The following NRXN3 variants were observed in gnomAD, a reference collection of about 807,000 sequenced individuals.
NRXN3 encodes the protein neurexin 3.
A neutral mutation model predicts 137.6 loss-of-function variants in NRXN3; 32 were observed. That is an observed-to-expected ratio of 0.23 (90% CI 0.18 to 0.31). The LOEUF (loss-of-function observed/expected upper bound fraction) is 0.31, where lower values mean the gene tolerates loss of function less well. Among genes scored for constraint, NRXN3 ranks in the 10% least tolerant of loss-of-function variants. The pLI is 1.00. For synonymous variants in NRXN3, 798 were observed against 784.5 expected, an observed-to-expected ratio of 1.02 and a Z score of -0.29; for missense variants, 1,574 against 2,062.5, an observed-to-expected ratio of 0.76 and a Z score of 4.59.
At chr14:79,410,701 T>G (rs960666681) in intron 15 of NRXN3, among the ~76,000 whole-genome samples, 1 of 152,144 alleles carries the variant, frequency 6.6e-6, no homozygotes, top group Non-Finnish European at 1.5e-5. Flanking sequence ...ATGCAAAGTT[T>G]ATTCATTGCC....
intron 19 of NRXN3, among the ~76,000 whole-genome samples, chr14:79,785,581 ATC>A (rs557944882): frequency 1.1e-3 from 162 of 152,226 alleles, no homozygotes; most frequent in Non-Finnish European, 1.5e-3. Flanking sequence ...CTCAGAATCT[ATC>A]TCTCTTTCCT....
At position 78,385,359 on chromosome 14, in the gene NRXN3, A is replaced by T. The variant is rs1374747167; in HGVS notation, c.757+87499A>T. ...CGCATATAAAACTTCCTAATCATAA[A>T]AAATTATGAAAAGTGAACACATTTG... On this transcript the variant is annotated intron_variant, in intron 4 of 20. Coordinates refer to ENST00000335750, the MANE Select transcript of NRXN3 (RefSeq NM_001330195.2). Among the ~76,000 whole-genome samples the T allele has an allele frequency of 2.6e-5, 4 of 152,150 alleles. No individual in the cohort carries two copies. In the East Asian group the frequency reaches 7.7e-4, roughly 29 times the overall value.
intron 10 of NRXN3, among the ~76,000 whole-genome samples, chr14:78,902,017 A>T (rs1212821093): frequency 6.6e-6 from 1 of 152,092 alleles, no homozygotes; most frequent in African/African-American, 2.4e-5. Context: ...TGAGAGTTTG[A>T]TTCCAGCATG....
At chr14:78,175,449 G>A (rs185731286) in intron 1 of NRXN3, among the ~76,000 whole-genome samples, 4 of 152,290 alleles carry the variant, frequency 2.6e-5, no homozygotes, top group Admixed American at 2.6e-4. Flanking sequence ...AAAAGAAGAA[G>A]CATTCCTTCT....
At chr14:78,551,911 C>T (rs9323666) in intron 4 of NRXN3, among the ~76,000 whole-genome samples, 9,392 of 152,074 alleles carry the variant, frequency 0.062, 436 homozygotes, top group African/African-American at 0.13. Context: ...ATTTTCTTCT[C>T]ATTATAGGAC....
chr14:79,342,717 A>C (rs1206155579), intron 15 of NRXN3, among the ~76,000 whole-genome samples: 1 of 152,216 alleles, frequency 6.6e-6, no homozygotes, highest in East Asian at 1.9e-4. Context: ...TGCTAGAAAC[A>C]GCAAATCTGG....
At chr14:78,512,229 C>T (rs572526934) in intron 4 of NRXN3, among the ~76,000 whole-genome samples, 3 of 152,170 alleles carry the variant, frequency 2.0e-5, no homozygotes, top group Admixed American at 1.3e-4. Context: ...CTAGAGCATA[C>T]AGCCCCAGGC....
At chr14:79,389,810 CAA>C (rs2094780190) in intron 15 of NRXN3, among the ~76,000 whole-genome samples, 1 of 152,052 alleles carries the variant, frequency 6.6e-6, no homozygotes, top group Admixed American at 6.6e-5. Context: ...TCTGATTAAT[CAA>C]AAACTCTGAC....
intron 20 of NRXN3, among the ~76,000 whole-genome samples, chr14:79,837,487 A>G (rs1379509441): frequency 6.6e-6 from 1 of 152,062 alleles, no homozygotes; most frequent in African/African-American, 2.4e-5. Context: ...AGGATGTATA[A>G]CCTGTGGGAA....
chr14:78,481,066 G>A (rs2095465182), intron 4 of NRXN3, among the ~76,000 whole-genome samples: 1 of 152,160 alleles, frequency 6.6e-6, no homozygotes, highest in South Asian at 2.1e-4. Flanking sequence ...AGGTGGTGGT[G>A]TAGAAAGTTA....
At chr14:78,356,964 C>G (rs1051914292) in intron 4 of NRXN3, among the ~76,000 whole-genome samples, 16 of 152,054 alleles carry the variant, frequency 1.1e-4, no homozygotes, top group Non-Finnish European at 1.8e-4. Context: ...GGGAACAACC[C>G]TGACATGGGT....
At chr14:79,126,165 T>A (rs1207295362) in intron 15 of NRXN3, among the ~76,000 whole-genome samples, 1 of 152,064 alleles carries the variant, frequency 6.6e-6, no homozygotes, top group East Asian at 1.9e-4. Flanking sequence ...AGAGCATTTA[T>A]TTATTTTTTT....
chr14:79,519,859 T>C (rs1255806438), intron 16 of NRXN3, among the ~76,000 whole-genome samples: 1 of 150,986 alleles, frequency 6.6e-6, no homozygotes, highest in Non-Finnish European at 1.5e-5. Context: ...CTTAAAAAGA[T>C]TTTTTTAATT....
chr14:79,680,626 A>C, intron 17 of NRXN3, among the ~76,000 whole-genome samples: 1 of 152,044 alleles, frequency 6.6e-6, no homozygotes. Context: ...CAGGGACATA[A>C]ATGGTTTTGT....
intron 10 of NRXN3, among the ~76,000 whole-genome samples, chr14:78,878,619 T>A (rs1180993422): frequency 6.6e-6 from 1 of 152,194 alleles, no homozygotes; most frequent in African/African-American, 2.4e-5. Flanking sequence ...TGGTGTACAA[T>A]ATTGAGTTTT....
intron 10 of NRXN3, among the ~76,000 whole-genome samples, chr14:78,943,558 A>G (rs2099357253): frequency 6.9e-6 from 1 of 144,380 alleles, no homozygotes; most frequent in Non-Finnish European, 1.5e-5. Context: ...AGGTGCCTAA[A>G]GAAAGCTAAC....
At chr14:79,279,943 A>G (rs1252206344) in intron 15 of NRXN3, 3 of 1,094,166 alleles carry the variant, frequency 2.7e-6, no homozygotes, top group Non-Finnish European at 3.3e-6. Flanking sequence ...TTAAGTCATC[A>G]GACTCGAAGT....
At chr14:78,250,428 C>G (rs1216095318) in intron 2 of NRXN3, among the ~76,000 whole-genome samples, 1 of 152,160 alleles carries the variant, frequency 6.6e-6, no homozygotes, top group East Asian at 1.9e-4. Flanking sequence ...TTTGAGCGAC[C>G]CCTACCTCCA....
chr14:78,704,885 A>G (rs1036221410), intron 6 of NRXN3, among the ~76,000 whole-genome samples: 2 of 151,856 alleles, frequency 1.3e-5, no homozygotes, highest in Middle Eastern at 3.2e-3. Flanking sequence ...AGCTTGCTTT[A>G]CTCCTGGTAT....
Sources: gnomAD v4.1 joint callset for allele counts (sites outside exome capture counted in the v4.1 genomes callset) on GRCh38, gnomAD v4.1.1 for gene constraint, MANE v1.5 for transcripts, NCBI Gene and HGNC (gene_info 2026-07-23, HGNC 2026-07-21) for gene names.